The following COL18A1 variants were observed in gnomAD, a reference collection of about 807,000 sequenced individuals.
The protein encoded by COL18A1 is collagen alpha-1(XVIII) chain.
Under a neutral mutation model 168.0 loss-of-function variants are expected in COL18A1, and 133 were observed. The ratio of observed to expected loss-of-function variants is 0.79; its 90% CI spans 0.69 to 0.91. The LOEUF (loss-of-function observed/expected upper bound fraction) is 0.91. Among genes scored for constraint, COL18A1 ranks in the 40% least tolerant of loss-of-function variants. The probability of loss-of-function intolerance (pLI) is 0.00; values close to 1 mark genes in which losing one functional copy is unlikely to be tolerated. For missense variants in COL18A1, 2,126 were observed against 1,925.4 expected, an observed-to-expected ratio of 1.10 and a Z score of -1.95; for synonymous variants, 949 against 809.0, an observed-to-expected ratio of 1.17 and a Z score of -2.94.
rs767725880 is a variant in COL18A1, at chr21:45,457,960, CG to C, written c.107-10281del. On this transcript the variant is annotated intron_variant, in intron 2 of 41. Coordinates refer to ENST00000651438, the MANE Select transcript of COL18A1 (RefSeq NM_001379500.1). The surrounding 1 kb of genome is among the most constrained non-coding windows in gnomAD (Gnocchi z 4.6). ...TCCCCTTGAGTTTCAGGCCAGTGAC[CG>C]TTTCTCTCAGCAAAGCCCAGAGCCT... Among the ~76,000 whole-genome samples the C allele has an allele frequency of 4.6e-5, 7 of 152,114 alleles. No homozygotes were observed. Among genetic ancestry groups the C allele is most frequent in the Non-Finnish European group, 1.0e-4 (7 of 68,010 alleles).
At chr21:45,441,243 C>T (rs764628316) in intron 2 of COL18A1, among the ~76,000 whole-genome samples, 4 of 152,212 alleles carry the variant, frequency 2.6e-5, no homozygotes, top group Non-Finnish European at 5.9e-5. Flanking sequence ...CTCACCTCTA[C>T]TTCTGGCACA....
At chr21:45,437,138 C>CCTGCACA (rs139223681) in intron 2 of COL18A1, among the ~76,000 whole-genome samples, 1 of 109,908 alleles carries the variant, frequency 9.1e-6, no homozygotes, top group Non-Finnish European at 1.8e-5. Flanking sequence ...CAGGCACTCT[C>CCTGCACA]CACACACACT....
At position 45,423,016 on chromosome 21, in the gene COL18A1, G is replaced by A. The variant is rs1422886424; in HGVS notation, c.106+17543G>A. ...TTTAGTAGAGACAAGGTTTCTCCAT[G>A]TTGGTCAGGCTGGTCTCTAACTCCC... On this transcript the variant is annotated intron_variant, in intron 2 of 41. Transcript: ENST00000651438. The surrounding 1 kb of genome is among the most constrained non-coding windows in gnomAD (Gnocchi z 4.0). Among the ~76,000 whole-genome samples, 1 of 152,148 alleles carries A rather than the reference G, an allele frequency of 6.6e-6. No homozygotes were observed. The highest frequency in any genetic ancestry group is 1.5e-5 in the Non-Finnish European group (1 of 68,030).
At chr21:45,485,910 C>T (rs2838944) in intron 15 of COL18A1, among the ~76,000 whole-genome samples, 7,239 of 152,312 alleles carry the variant, frequency 0.048, 446 homozygotes, top group African/African-American at 0.14. Context: ...TATCTCATTC[C>T]GCTCTGTCCC....
intron 30 of COL18A1, 95 bp from the exon 31 acceptor site, chr21:45,496,955 G>A (rs1451592889): frequency 1.7e-5 from 14 of 825,232 alleles, no homozygotes; most frequent in South Asian, 1.5e-4. Context: ...GCCTCATACA[G>A]GGGCTGGTGC....
intron 18 of COL18A1, 24 bp from the exon 19 acceptor site, chr21:45,489,462 C>T: frequency 1.9e-6 from 3 of 1,579,412 alleles, no homozygotes; most frequent in South Asian, 1.1e-5. Context: ...AGCAGGTGCT[C>T]ACGGAGCCCC....
chr21:45,509,477 GC>G lies in COL18A1; in HGVS notation c.3377del (p.Pro1126LeufsTer125). On this transcript the variant is annotated frameshift_variant, in exon 39 of 42. Coordinates refer to ENST00000651438, the MANE Select transcript of COL18A1 (RefSeq NM_001379500.1). LOFTEE classifies it high-confidence loss of function. ...RPWRADDILA[S>X]PPRLPEPQPY... is the part of the protein sequence containing the mutation. ...TGGCGGGCAGATGACATCCTGGCCAGCCCCCCTCGCCTGCCCGAGCCCCAGC... is the reference window on the plus strand; with the variant it reads ...TGGCGGGCAGATGACATCCTGGCCAGCCCCCTCGCCTGCCCGAGCCCCAGC... 8 of 1,525,742 alleles carry G rather than the reference GC, an allele frequency of 5.2e-6. No individual in the cohort carries two copies. The highest frequency in any genetic ancestry group is 1.4e-5 in the African/African-American group (1 of 73,066). 94.5% of individuals were successfully genotyped at this position (1,525,742 alleles called of 1,614,324 possible). A position where few individuals can be genotyped will look rare whatever the true frequency, so the allele number is the denominator to read the frequency against.
rs2033701736 is a variant in COL18A1, at chr21:45,423,861, A to G, written c.106+18388A>G. On this transcript the variant is annotated intron_variant, in intron 2 of 41. Transcript: ENST00000651438. This position sits in a 1 kb window ranked among gnomAD's most constrained non-coding sequence, Gnocchi z 4.0. ...AGACCCTCTTGGAGCAGGGTTCTGC[A>G]GTGTCCTGGGGGCAGAGGCCTGACG... is the stretch of plus-strand genomic sequence containing the variant. The G allele has an allele frequency of 6.6e-6, 1 of 152,358 alleles. No individual in the cohort carries two copies. Among genetic ancestry groups the G allele is most frequent in the Non-Finnish European group, 1.5e-5 (1 of 68,070 alleles). The allele number at this position is 152,358 out of a possible 1,614,324, so 9.4% of individuals were successfully genotyped here.
At chr21:45,505,496 C>T (rs1472350013) in intron 36 of COL18A1, 65 bp downstream of exon 36, 3 of 859,868 alleles carry the variant, frequency 3.5e-6, no homozygotes, top group Non-Finnish European at 5.7e-6. Flanking sequence ...GCAGCCCCTG[C>T]CCCTCAGAGA....
chr21:45,509,233 C>T (rs1008769180), intron 38 of COL18A1, 123 bp from the exon 39 acceptor site: 78 of 1,337,642 alleles, frequency 5.8e-5, no homozygotes, highest in Admixed American at 1.4e-4. Flanking sequence ...GAGTCGGGGG[C>T]GCAGCTCCCT....
At chr21:45,448,282 C>T (rs181341736) in intron 2 of COL18A1, among the ~76,000 whole-genome samples, 1,719 of 149,276 alleles carry the variant, frequency 0.012, 18 homozygotes, top group Non-Finnish European at 0.018. Context: ...CCATCTGTGT[C>T]CATATCCACA....
At chr21:45,511,852 G>C (rs78037609) in intron 41 of COL18A1, among the ~76,000 whole-genome samples, 1 of 152,172 alleles carries the variant, frequency 6.6e-6, no homozygotes, top group African/African-American at 2.4e-5. Flanking sequence ...CCAGGAGCCC[G>C]GGAGGCGGAG....
chr21:45,498,599 G>A lies in COL18A1; in HGVS notation c.2683+938G>A. 2 of 715,804 alleles carry A rather than the reference G, an allele frequency of 2.8e-6. No homozygotes were observed. The highest frequency in any genetic ancestry group is 3.0e-5 in the South Asian group (2 of 67,558). The allele number at this position is 715,804 out of a possible 1,614,324, so 44.3% of individuals were successfully genotyped here. On this transcript the variant is annotated intron_variant, in intron 32 of 41. Transcript: ENST00000651438. This position sits in a 1 kb window ranked among gnomAD's most constrained non-coding sequence, Gnocchi z 4.5. ...CAGGCAGAGGCCGAGTCTGGGCCGG[G>A]ACATCCTTAAGGCCTGTGGAGGCAA...
chr21:45,407,602 C>T (rs1310326966), intron 2 of COL18A1: 1 of 152,282 alleles, frequency 6.6e-6, no homozygotes, highest in Non-Finnish European at 1.5e-5. Flanking sequence ...GTAGTCAGTG[C>T]TTCAGAGTCA....
chr21:45,503,699 G>A (rs917586108), intron 32 of COL18A1, among the ~76,000 whole-genome samples: 57 of 151,606 alleles, frequency 3.8e-4, no homozygotes, highest in Admixed American at 8.5e-4. Context: ...TGACGAGTTA[G>A]TGGGTGCAGC....
intron 2 of COL18A1, chr21:45,456,184 TTC>T: frequency 1.9e-6 from 3 of 1,596,682 alleles, no homozygotes; most frequent in Non-Finnish European, 1.7e-6. Flanking sequence ...CAGGTAGAGC[TTC>T]TCTCTCCTCC....
At chr21:45,479,354 C>G (rs1329687945) in intron 9 of COL18A1, among the ~76,000 whole-genome samples, 1 of 147,632 alleles carries the variant, frequency 6.8e-6, no homozygotes, top group Non-Finnish European at 1.5e-5. Flanking sequence ...ACACTACACA[C>G]ACGTGTGTGC....
intron 2 of COL18A1, among the ~76,000 whole-genome samples, chr21:45,437,709 GAC>G (rs141965726): frequency 0.029 from 328 of 11,484 alleles, 30 homozygotes; most frequent in Non-Finnish European, 0.033. Context: ...CACACACTCA[GAC>G]ACACAGGCAC....
In COL18A1 at chr21:45,444,160, A is replaced by G. The variant is rs146305883; in HGVS notation, c.107-24082A>G. 3.4e-3 allele frequency among the ~76,000 whole-genome samples: 517 copies of G among 152,298 alleles called. 3 individuals are homozygous for G. The highest frequency in any genetic ancestry group is 0.012 in the African/African-American group (497 of 41,556). ...TCCTCTACCCTTTCCCATGTGACAC[A>G]TTCGCTCCATGGTACCTCCTGCCTC... On this transcript the variant is annotated intron_variant, in intron 2 of 41. Coordinates refer to ENST00000651438, the MANE Select transcript of COL18A1 (RefSeq NM_001379500.1).
Sources: allele counts gnomAD v4.1 joint callset (sites outside exome capture counted in the v4.1 genomes callset), GRCh38; gene constraint gnomAD v4.1.1; non-coding constraint Gnocchi (gnomAD v3.1); transcripts MANE v1.5; gene names NCBI Gene and HGNC (gene_info 2026-07-23, HGNC 2026-07-21).